The following NAV1 variants were observed in gnomAD, a reference collection of about 807,000 sequenced individuals.
NAV1 encodes the protein pore membrane and/or filament interacting like protein 3.
A neutral mutation model predicts 175.2 loss-of-function variants in NAV1; 18 were observed. The ratio of observed to expected loss-of-function variants is 0.10; its 90% CI spans 0.07 to 0.15. The LOEUF (loss-of-function observed/expected upper bound fraction) is 0.15. Among genes scored for constraint, NAV1 ranks in the 10% least tolerant of loss-of-function variants. NAV1 has a pLI of 1.00. For missense variants in NAV1, 1,731 were observed against 2,436.6 expected (o/e 0.71, Z 6.10); for synonymous variants, 897 against 978.7 (o/e 0.92, Z 1.56).
intron 3 of NAV1, among the ~76,000 whole-genome samples, chr1:201,742,480 A>G (rs1483138375): frequency 6.6e-6 from 1 of 152,128 alleles, no homozygotes; most frequent in Non-Finnish European, 1.5e-5. Context: ...CTGTGCCCAC[A>G]AGCACTGTTC....
Position 201,793,781 on chromosome 1 carries a change from GT to G in NAV1, c.3322-8del. On this transcript the variant is annotated splice_polypyrimidine_tract_variant and intron_variant, in intron 13 of 29. Coordinates refer to ENST00000367296, the Ensembl canonical transcript of NAV1. Reference sequence around the variant, plus strand: ...ATGCAACTTAGCAATCTCTTTCTGTGTTTGTTTCAGGCTAATCTGGTGGCTG... The same window carrying G: ...ATGCAACTTAGCAATCTCTTTCTGTGTTGTTTCAGGCTAATCTGGTGGCTG... 2 of 1,609,736 alleles carry G rather than the reference GT, an allele frequency of 1.2e-6. No individual in the cohort carries two copies. The highest frequency in any genetic ancestry group is 1.1e-5 in the South Asian group (1 of 90,550).
intron 1 of NAV1, among the ~76,000 whole-genome samples, chr1:201,584,540 T>A (rs188937155): frequency 6.6e-6 from 1 of 152,374 alleles, no homozygotes; most frequent in East Asian, 1.9e-4. Context: ...GGATCTTGTT[T>A]TCATCTTGGT....
intron 1 of NAV1, among the ~76,000 whole-genome samples, chr1:201,546,046 C>T (rs894046244): frequency 6.6e-6 from 1 of 152,236 alleles, no homozygotes; most frequent in Non-Finnish European, 1.5e-5. Context: ...ATACCAACTG[C>T]TCTCTTCCTG....
In NAV1 at chr1:201,782,536, G is replaced by A. The variant is rs756647161; in HGVS notation, c.2024G>A (p.Arg675Gln). ...AACATCCAGTACCGCAGCCTGCCCC[G>A]GCCAGCCAAGTCAAGTTCTATGAGC... Residue 675 changes from arginine (R) to glutamine (Q), a missense_variant, in exon 6 of 30, where the codon CGG becomes CAG. This residue lies in a region of NAV1 where 634 missense variants were observed against 766.8 expected (regional missense o/e 0.83). Coordinates refer to ENST00000367296, the Ensembl canonical transcript of NAV1. The surrounding 1 kb of genome is among the most constrained non-coding windows in gnomAD (Gnocchi z 5.4). The A allele has an allele frequency of 1.1e-5, 17 of 1,611,124 alleles. No individual in the cohort carries two copies. The highest frequency in any genetic ancestry group is 4.0e-5 in the African/African-American group (3 of 74,790).
At chr1:201,545,608 C>G (rs778891360) in intron 1 of NAV1, among the ~76,000 whole-genome samples, 23 of 152,158 alleles carry the variant, frequency 1.5e-4, no homozygotes, top group Non-Finnish European at 2.9e-4. Context: ...TATGCATCAC[C>G]CTTTAAATGC....
rs565401994 is a variant in NAV1, at chr1:201,566,795, G to A, written c.-143-21744G>A. Among the ~76,000 whole-genome samples, 11 of 149,168 alleles carry A rather than the reference G, an allele frequency of 7.4e-5. No individual in the cohort carries two copies. The East Asian group carries it at 1.9e-3, about 26-fold the overall frequency. ...CAAACACTGTTAACATTTCCTTCTA[G>A]GTTGTTTTTTTTTTTAAAGGCAGGT... On this transcript the variant is annotated intron_variant, in intron 1 of 33. Transcript: ENST00000685211.
chr1:201,643,491 A>G (rs533221053), upstream of NAV1, among the ~76,000 whole-genome samples: 1 of 148,212 alleles, frequency 6.7e-6, no homozygotes, highest in Admixed American at 6.8e-5. Context: ...GTGCAACCTC[A>G]GCTCACCACA....
At chr1:201,599,396 T>G (rs1667457441) in intron 2 of NAV1, among the ~76,000 whole-genome samples, 1 of 152,222 alleles carries the variant, frequency 6.6e-6, no homozygotes, top group African/African-American at 2.4e-5. Flanking sequence ...CCCTAGTCCA[T>G]TAACCTCTCC....
At chr1:201,692,318 T>G (rs1307257093) in intron 1 of NAV1, among the ~76,000 whole-genome samples, 1 of 152,144 alleles carries the variant, frequency 6.6e-6, no homozygotes, top group Non-Finnish European at 1.5e-5. Flanking sequence ...TTGGGACCTT[T>G]TTAGGAAAAG....
exon 29 of NAV1, chr1:201,817,092 A>T: frequency 1.2e-6 from 2 of 1,613,914 alleles, no homozygotes; most frequent in Non-Finnish European, 1.7e-6. Context: ...TTCCAGGTCC[A>T]TGGACAGAAA....
At chr1:201,689,032 G>C (rs1571885300) in intron 1 of NAV1, among the ~76,000 whole-genome samples, 1 of 152,182 alleles carries the variant, frequency 6.6e-6, no homozygotes, top group African/African-American at 2.4e-5. Flanking sequence ...AAATTAACCA[G>C]GTACCTTCAT....
At chr1:201,738,286 A>G (rs1342846279) in intron 3 of NAV1, among the ~76,000 whole-genome samples, 1 of 152,032 alleles carries the variant, frequency 6.6e-6, no homozygotes, top group African/African-American at 2.4e-5. Flanking sequence ...CTCCCCTTTG[A>G]TCTCAAAGCA....
intron 2 of NAV1, among the ~76,000 whole-genome samples, chr1:201,616,782 C>T (rs544684615): frequency 3.9e-5 from 6 of 152,282 alleles, no homozygotes; most frequent in Admixed American, 6.5e-5. Flanking sequence ...CCACCATGCC[C>T]GGCCTGTTTT....
chr1:201,596,073 C>T (rs747961532), intron 2 of NAV1, among the ~76,000 whole-genome samples: 5 of 152,258 alleles, frequency 3.3e-5, no homozygotes, highest in Non-Finnish European at 5.9e-5. Flanking sequence ...GCGCCTTAAC[C>T]TCACTGCATC....
rs1396836977 is a variant in NAV1 at position 201,662,719 on chromosome 1, C to T, written c.757+13294C>T. On this transcript the variant is annotated intron_variant, in intron 1 of 29. Transcript: ENST00000367296. ...GCTAGTTCTATTTCCACTTCTCCTGCAGGCCTGCAGACACCCTGTCCTTCC... is the reference window on the plus strand; with the variant it reads ...GCTAGTTCTATTTCCACTTCTCCTGTAGGCCTGCAGACACCCTGTCCTTCC... 2.6e-5 allele frequency among the ~76,000 whole-genome samples: 4 copies of T among 152,214 alleles called. No individual in the cohort carries two copies. In the East Asian group the frequency reaches 7.7e-4, roughly 29 times the overall value.
intron 2 of NAV1, among the ~76,000 whole-genome samples, chr1:201,635,813 A>G (rs912181424): frequency 6.6e-6 from 1 of 152,028 alleles, no homozygotes; most frequent in Non-Finnish European, 1.5e-5. Flanking sequence ...GGAAATCCCA[A>G]CCCCTTGTTT....
At chr1:201,713,896 C>T (rs189231158) in intron 2 of NAV1, among the ~76,000 whole-genome samples, 1 of 152,198 alleles carries the variant, frequency 6.6e-6, no homozygotes, top group South Asian at 2.1e-4. Context: ...GGACCACACC[C>T]ATGGACATAT....
intron 2 of NAV1, among the ~76,000 whole-genome samples, chr1:201,714,365 C>T (rs1348507157): frequency 2.6e-5 from 4 of 152,358 alleles, no homozygotes; most frequent in Non-Finnish European, 5.9e-5. Context: ...ACTCCTCCCC[C>T]TATCCCCAGC....
At chr1:201,734,270 T>C (rs1019355484) in intron 3 of NAV1, among the ~76,000 whole-genome samples, 25 of 151,788 alleles carry the variant, frequency 1.6e-4, no homozygotes, top group Non-Finnish European at 2.1e-4. Flanking sequence ...TAGCTGGCGA[T>C]GATGGCTTGC....
Sources: allele counts gnomAD v4.1 joint callset (sites outside exome capture counted in the v4.1 genomes callset), GRCh38; gene constraint gnomAD v4.1.1; regional missense constraint gnomAD v4.1.1; non-coding constraint Gnocchi (gnomAD v3.1); transcripts MANE v1.5; gene names NCBI Gene and HGNC (gene_info 2026-07-23, HGNC 2026-07-21).